Variants in ZNF469 observed in about 807,000 individuals in gnomAD.
ZNF469 encodes zinc finger protein 469.
Under a neutral mutation model 1.0 loss-of-function variants are expected in ZNF469, and 1 was observed. The ratio of observed to expected loss-of-function variants is 1.00; its 90% confidence interval spans 0.35 to 4.73. ZNF469 has a LOEUF of 4.73. ZNF469 is among the 30% of genes most tolerant of loss of function. The pLI is 0.16. For synonymous variants in ZNF469, 2,703 were observed against 2,363.4 expected (o/e 1.14, Z -4.17); for missense variants, 6,100 against 5,356.3 (o/e 1.14, Z -4.33).
chr16:88,337,913 A>G, the ZNF469 span, among the ~76,000 whole-genome samples: 2 of 152,210 alleles, frequency 1.3e-5, no homozygotes, highest in African/African-American at 2.4e-5. Flanking sequence ...CGGTTTGCCA[A>G]AATTTTCTCC....
chr16:88,110,842 A>T, the ZNF469 span, among the ~76,000 whole-genome samples: 1 of 152,358 alleles, frequency 6.6e-6, no homozygotes, highest in South Asian at 2.1e-4. Context: ...GGTGCAGCTC[A>T]GCCGGGTGTA....
At chr16:88,257,320 C>T in the ZNF469 span, among the ~76,000 whole-genome samples, 1 of 139,714 alleles carries the variant, frequency 7.2e-6, no homozygotes, top group East Asian at 1.9e-4. Context: ...GGTGAGGCGT[C>T]ATTTAAGATC....
chr16:88,247,699 G>T, the ZNF469 span, among the ~76,000 whole-genome samples: 1 of 152,132 alleles, frequency 6.6e-6, no homozygotes, highest in Admixed American at 6.5e-5. Flanking sequence ...GTGAGTGAGT[G>T]AGTGAATGAG....
chr16:88,305,897 C>T, the ZNF469 span, among the ~76,000 whole-genome samples: 1 of 152,166 alleles, frequency 6.6e-6, no homozygotes. Context: ...CCCCAGCACA[C>T]TCTCATGCAC....
chr16:88,105,776 T>C, the ZNF469 span, among the ~76,000 whole-genome samples: 1 of 152,218 alleles, frequency 6.6e-6, no homozygotes, highest in African/African-American at 2.4e-5. Context: ...ATGTCTGCCA[T>C]GACTGGGTAG....
chr16:88,116,319 C>G, the ZNF469 span, among the ~76,000 whole-genome samples: 2 of 152,140 alleles, frequency 1.3e-5, no homozygotes, highest in Non-Finnish European at 2.9e-5. Context: ...GGTGATGTTG[C>G]GGTGTAGACA....
chr16:88,139,149 G>A, the ZNF469 span, among the ~76,000 whole-genome samples: 1 of 150,906 alleles, frequency 6.6e-6, no homozygotes, highest in East Asian at 1.9e-4. Context: ...ATTGTGATGA[G>A]CGTCAGAGCA....
At chr16:88,235,063 G>T in the ZNF469 span, among the ~76,000 whole-genome samples, 1 of 152,312 alleles carries the variant, frequency 6.6e-6, no homozygotes, top group African/African-American at 2.4e-5. Context: ...GCAGGGCCCC[G>T]GCCTTCTGGT....
the ZNF469 span, among the ~76,000 whole-genome samples, chr16:88,148,000 C>T: frequency 6.6e-6 from 1 of 150,904 alleles, no homozygotes; most frequent in Admixed American, 6.6e-5. Flanking sequence ...AATGGGGCAG[C>T]GATTGCAGCT....
At chr16:88,246,890 A>G in the ZNF469 span, among the ~76,000 whole-genome samples, 3 of 152,090 alleles carry the variant, frequency 2.0e-5, no homozygotes, top group East Asian at 5.8e-4. Context: ...TGAATGAGTG[A>G]GTGAATGAGT....
chr16:88,211,737 GC>G, the ZNF469 span, among the ~76,000 whole-genome samples: 2 of 152,132 alleles, frequency 1.3e-5, no homozygotes, highest in African/African-American at 4.8e-5. Flanking sequence ...CAACCGTCCA[GC>G]TGCTGTGATC....
chr16:88,130,620 C>G, the ZNF469 span, among the ~76,000 whole-genome samples: 1 of 149,934 alleles, frequency 6.7e-6, no homozygotes, highest in Admixed American at 6.7e-5. Flanking sequence ...GTAGGAGAAT[C>G]ACTTGGACCT....
the ZNF469 span, among the ~76,000 whole-genome samples, chr16:88,280,797 C>T: frequency 6.7e-6 from 1 of 149,876 alleles, no homozygotes; most frequent in Non-Finnish European, 1.5e-5. Context: ...CCAATGTCAG[C>T]ACATAGGTTG....
chr16:88,228,498 C>G, the ZNF469 span, among the ~76,000 whole-genome samples: 1 of 152,238 alleles, frequency 6.6e-6, no homozygotes, highest in Non-Finnish European at 1.5e-5. Context: ...GGTTTACTCT[C>G]TACTCTCAGA....
At chr16:88,328,416 C>T in the ZNF469 span, among the ~76,000 whole-genome samples, 1 of 152,194 alleles carries the variant, frequency 6.6e-6, no homozygotes, top group Non-Finnish European at 1.5e-5. Context: ...GGGAGGTTCC[C>T]CAGGAAAACG....
chr16:88,201,416 G>A, the ZNF469 span, among the ~76,000 whole-genome samples: 4 of 152,084 alleles, frequency 2.6e-5, no homozygotes, highest in Non-Finnish European at 4.4e-5. The surrounding 1 kb of genome is among the most constrained non-coding windows in gnomAD (Gnocchi z 5.0). Context: ...TTAGCCGGGC[G>A]TGGTGGTAGG....
At chr16:88,146,822 G>C in the ZNF469 span, among the ~76,000 whole-genome samples, 1 of 152,088 alleles carries the variant, frequency 6.6e-6, no homozygotes, top group African/African-American at 2.4e-5. Flanking sequence ...CAGGATGGAA[G>C]GGACCCCTGG....
chr16:88,263,389 G>A, the ZNF469 span, among the ~76,000 whole-genome samples: 3 of 152,218 alleles, frequency 2.0e-5, no homozygotes. Context: ...AATCGGGAAC[G>A]CCCGCTCCCT....
At position 88,430,160 on chromosome 16, in the gene ZNF469, C is replaced by G. The variant is rs1236654872; in HGVS notation, c.2690C>G (p.Ala897Gly). The change falls in exon 3 of 3, where the codon GCT becomes GGT. Residue 897 changes from alanine to glycine, a missense_variant. By Grantham distance (60) the Ala-to-Gly change is moderately conservative. Transcript: ENST00000565624. ...GCGGGGGTGACTCCAGAGAGCAAAG[C>G]TCCGCCCCCGCTCCCAGCAGCCACG... ...SKAGVTPESK[A>G]PPPLPAATPD... 6.5e-7 allele frequency: 1 copy of G among 1,549,542 alleles called. No homozygotes were observed. The highest frequency in any genetic ancestry group is 2.4e-5 in the East Asian group (1 of 40,908).
Sources: allele counts gnomAD v4.1 joint callset (sites outside exome capture counted in the v4.1 genomes callset), GRCh38; gene constraint gnomAD v4.1.1; non-coding constraint Gnocchi (gnomAD v3.1); transcripts MANE v1.5; gene names NCBI Gene and HGNC (gene_info 2026-07-23, HGNC 2026-07-21).